The following SMAD5 variants were observed in gnomAD, a reference collection of about 807,000 sequenced individuals.
SMAD5 encodes the protein MAD, mothers against decapentaplegic homolog 5.
SMAD5 carries 9 observed loss-of-function variants against 43.1 expected under a neutral mutation model. That is an observed-to-expected ratio of 0.21 (90% CI 0.13 to 0.36). SMAD5 has a LOEUF of 0.36. Among genes scored for constraint, SMAD5 ranks in the 10% least tolerant of loss-of-function variants. The pLI is 1.00. For synonymous variants in SMAD5, 190 were observed against 192.4 expected (o/e 0.99, Z 0.10); for missense variants, 348 against 574.0 (o/e 0.61, Z 4.02).
intron 3 of SMAD5, among the ~76,000 whole-genome samples, chr5:136,157,171 CAA>C (rs1228742508): frequency 1.3e-5 from 2 of 152,064 alleles, no homozygotes; most frequent in African/African-American, 4.8e-5. Flanking sequence ...GATAAGGAAA[CAA>C]AGACTTAAAA....
rs1223675712 is a variant in SMAD5 at position 136,180,663 on chromosome 5, C to T, written c.*3183C>T. On this transcript the variant is annotated 3_prime_UTR_variant, in exon 8 of 8. Transcript: ENST00000545279. ...TTAAGGAAGACGTCAATCAAAATGT[C>T]AAATATGTGTGTCAGAATATAAATA... 2 of 151,938 alleles carry T rather than the reference C, an allele frequency of 1.3e-5. No individual in the cohort carries two copies. The highest frequency in any genetic ancestry group is 3.9e-4 in the East Asian group (2 of 5,190). The allele number at this position is 151,938 out of a possible 1,614,324, so 9.4% of individuals were successfully genotyped here.
At chr5:136,142,721 T>G (rs1359585961) in intron 1 of SMAD5, among the ~76,000 whole-genome samples, 1 of 152,212 alleles carries the variant, frequency 6.6e-6, no homozygotes, top group African/African-American at 2.4e-5. Context: ...CCTTCCTGTC[T>G]GTTCAATTAT....
In SMAD5 at chr5:136,178,291, A is replaced by AT. The variant is rs1358350389; in HGVS notation, c.*811_*812insT. On this transcript the variant is annotated 3_prime_UTR_variant, in exon 8 of 8. Coordinates refer to ENST00000545279, the MANE Select transcript of SMAD5 (RefSeq NM_005903.7). The stretch of plus-strand genomic sequence containing the variant: ...TTTGCTGCTTTTGGACAATGTTGCA[A>AT]GAACTCTATTTTTGACATGCATTAA... 6.6e-6 allele frequency: 1 copy of AT among 152,648 alleles called. No individual in the cohort carries two copies. Among genetic ancestry groups the AT allele is most frequent in the Non-Finnish European group, 1.5e-5 (1 of 68,036 alleles). 9.5% of individuals were successfully genotyped at this position (152,648 alleles called of 1,614,324 possible).
At chr5:136,161,163 G>A in intron 4 of SMAD5, 56 bp downstream of exon 4, 1 of 1,532,352 alleles carries the variant, frequency 6.5e-7, no homozygotes, top group Admixed American at 1.8e-5. Context: ...AATCACAGTT[G>A]TTCTTACTGT....
At chr5:136,167,936 G>A (rs901605351) in intron 5 of SMAD5, among the ~76,000 whole-genome samples, 3 of 151,620 alleles carry the variant, frequency 2.0e-5, no homozygotes, top group African/African-American at 7.3e-5. Flanking sequence ...GGCACAATTC[G>A]CTCACAGTTC....
chr5:136,153,303 G>A lies in SMAD5; in HGVS notation c.-169-289G>A, dbSNP rs947169640. Reference sequence around the variant, plus strand: ...TTAGAAGAGTGTTTTAGGGTTTAGTGGCCTAATCAAAGGGAGTCCAGAAGC... The same window carrying A: ...TTAGAAGAGTGTTTTAGGGTTTAGTAGCCTAATCAAAGGGAGTCCAGAAGC... On this transcript the variant is annotated intron_variant, in intron 2 of 7. Transcript: ENST00000545279. Among the ~76,000 whole-genome samples the A allele has an allele frequency of 4.6e-5, 7 of 152,092 alleles. No homozygotes were observed. In the South Asian group the frequency reaches 6.2e-4, roughly 14 times the overall value.
rs1222451969 is a variant in SMAD5, at chr5:136,153,679, T to A, written c.-82T>A. 1.8e-6 allele frequency: 2 copies of A among 1,141,642 alleles called. No individual in the cohort carries two copies. Among genetic ancestry groups the A allele is most frequent in the Admixed American group, 2.3e-5 (1 of 43,264 alleles). The allele number at this position is 1,141,642 out of a possible 1,614,324, so 70.7% of individuals were successfully genotyped here. A position where few individuals can be genotyped will look rare whatever the true frequency, so the allele number is the denominator to read the frequency against. ...AATTGGAACTTCTGCTTAGGACCTG[T>A]GTATGACGTTTCACCTGTGATCTGT... On this transcript the variant is annotated 5_prime_UTR_variant, in exon 3 of 8. Transcript: ENST00000545279.
At chr5:136,175,624 A>G (rs1754388689) in intron 7 of SMAD5, among the ~76,000 whole-genome samples, 1 of 152,168 alleles carries the variant, frequency 6.6e-6, no homozygotes, top group Non-Finnish European at 1.5e-5. Flanking sequence ...CTACATATTT[A>G]AGCAATCTGT....
At chr5:136,140,305 C>T (rs572274655) in intron 1 of SMAD5, among the ~76,000 whole-genome samples, 1 of 152,250 alleles carries the variant, frequency 6.6e-6, no homozygotes, top group African/African-American at 2.4e-5. Flanking sequence ...TAGTGTAAGT[C>T]GAGAACTATC....
At chr5:136,170,205 G>A (rs1222190280) in intron 5 of SMAD5, among the ~76,000 whole-genome samples, 1 of 152,080 alleles carries the variant, frequency 6.6e-6, no homozygotes, top group African/African-American at 2.4e-5. Flanking sequence ...TTTTCTAGGA[G>A]TTTTATAGTT....
intron 5 of SMAD5, among the ~76,000 whole-genome samples, chr5:136,168,652 A>G (rs1452063408): frequency 1.3e-5 from 2 of 152,206 alleles, no homozygotes; most frequent in Non-Finnish European, 2.9e-5. Context: ...TAACACATGT[A>G]TCCACCCTTA....
rs1269686501 is a variant in SMAD5, at chr5:136,182,525, T to C, written c.*5045T>C. 1.3e-5 allele frequency: 2 copies of C among 152,666 alleles called. No individual in the cohort carries two copies. Among genetic ancestry groups the C allele is most frequent in the Non-Finnish European group, 2.9e-5 (2 of 68,044 alleles). 9.5% of individuals were successfully genotyped at this position (152,666 alleles called of 1,614,324 possible). A position where few individuals can be genotyped will look rare whatever the true frequency, so the allele number is the denominator to read the frequency against. ...ATGAAGACCAAGCTAGTGGCTGCAC[T>C]GTAGGTCTGCTGCTTATTTGTATTT... On this transcript the variant is annotated 3_prime_UTR_variant, in exon 8 of 8. Coordinates refer to ENST00000545279, the MANE Select transcript of SMAD5 (RefSeq NM_005903.7).
chr5:136,147,956 A>C (rs189009914), intron 2 of SMAD5, 50 bp downstream of exon 2: 2 of 151,936 alleles, frequency 1.3e-5, no homozygotes, highest in East Asian at 3.9e-4. Context: ...TTTAGTCAGT[A>C]ATAATGCAGC....
chr5:136,171,524 A>G (rs542695501), intron 5 of SMAD5, among the ~76,000 whole-genome samples: 6 of 152,122 alleles, frequency 3.9e-5, no homozygotes, highest in East Asian at 1.9e-4. Context: ...GCCTAATGCA[A>G]TTTGCTTTGC....
In SMAD5 at chr5:136,137,270, AC is replaced by A. The variant is rs61537356; in HGVS notation, c.-245+4317del. 1.1e-3 allele frequency among the ~76,000 whole-genome samples: 143 copies of A among 125,190 alleles called. 1 individual carries two copies. The South Asian group carries it at 0.026, about 23-fold the overall frequency. 82.1% of individuals were successfully genotyped at this position (125,190 alleles called of 152,430 possible). On this transcript the variant is annotated intron_variant, in intron 1 of 7. Coordinates refer to ENST00000545279, the MANE Select transcript of SMAD5 (RefSeq NM_005903.7). ...AGGTTTTGCTCTTGAATTTTTTGGG[AC>A]CCCCCCCCGCATCTCTTCCTATAGC...
In SMAD5 at chr5:136,178,400, T is replaced by C. The variant is rs1754503149; in HGVS notation, c.*920T>C. 1.3e-5 allele frequency: 2 copies of C among 152,800 alleles called. No homozygotes were observed. Among genetic ancestry groups the C allele is most frequent in the South Asian group, 2.1e-4 (1 of 4,826 alleles). 9.5% of individuals were successfully genotyped at this position (152,800 alleles called of 1,614,324 possible). A position where few individuals can be genotyped will look rare whatever the true frequency, so the allele number is the denominator to read the frequency against. On this transcript the variant is annotated 3_prime_UTR_variant, in exon 8 of 8. Transcript: ENST00000545279. The stretch of plus-strand genomic sequence containing the variant: ...CTCAAGTGACTTGGACTTAGATGCT[T>C]ATCCTTACGTCCTTGGTACCTTTTT...
chr5:136,160,808 A>G (rs767842613), intron 3 of SMAD5, 48 bp from the exon 4 acceptor site: 2 of 1,596,056 alleles, frequency 1.3e-6, no homozygotes, highest in Non-Finnish European at 1.7e-6. Context: ...TGGATGGGGC[A>G]TTTGTTTAGT....
intron 5 of SMAD5, among the ~76,000 whole-genome samples, chr5:136,165,843 C>T (rs1753990474): frequency 6.6e-6 from 1 of 151,724 alleles, no homozygotes; most frequent in Admixed American, 6.6e-5. Flanking sequence ...ACTTGGATTG[C>T]TTTCACTTTT....
intron 5 of SMAD5, among the ~76,000 whole-genome samples, chr5:136,164,093 T>G (rs1753915340): frequency 6.6e-6 from 1 of 152,172 alleles, no homozygotes. Context: ...CTCTGGAGGC[T>G]GAGACAGGAG....
Sources: gnomAD v4.1 joint callset for allele counts (sites outside exome capture counted in the v4.1 genomes callset) on GRCh38, gnomAD v4.1.1 for gene constraint, MANE v1.5 for transcripts, NCBI Gene and HGNC (gene_info 2026-07-23, HGNC 2026-07-21) for gene names.